NFYC: variants seen among roughly 807,000 people sequenced by gnomAD.
NFYC encodes the protein CAAT box DNA-binding protein subunit C.
A neutral mutation model predicts 53.1 loss-of-function variants in NFYC; 25 were observed. The observed-to-expected ratio is 0.47, with a 90% CI of 0.34 to 0.66. The LOEUF is 0.66. NFYC is among the 30% of genes least tolerant of loss of function. NFYC has a pLI of 0.01. For missense variants in NFYC, 260 were observed against 422.7 expected (o/e 0.62, Z 3.38); for synonymous variants, 145 against 152.6 (o/e 0.95, Z 0.37).
intron 1 of NFYC, among the ~76,000 whole-genome samples, chr1:40,711,348 G>A (rs190468482): frequency 5.9e-5 from 9 of 152,240 alleles, no homozygotes; most frequent in African/African-American, 1.9e-4. Flanking sequence ...AAATTTATTT[G>A]TTTGTCATTG....
chr1:40,696,172 C>T (rs973068087), intron 1 of NFYC, among the ~76,000 whole-genome samples: 6 of 152,050 alleles, frequency 3.9e-5, no homozygotes, highest in South Asian at 2.1e-4. Context: ...TATAGACGCC[C>T]GCCACCATGC....
intron 1 of NFYC, among the ~76,000 whole-genome samples, chr1:40,728,262 T>G (rs1644610274): frequency 6.6e-6 from 1 of 152,130 alleles, no homozygotes; most frequent in Non-Finnish European, 1.5e-5. Flanking sequence ...TACTCTTTGG[T>G]CCATGGGCTG....
At chr1:40,757,710 T>C (rs895228938) in intron 5 of NFYC, among the ~76,000 whole-genome samples, 2 of 152,158 alleles carry the variant, frequency 1.3e-5, no homozygotes, top group Admixed American at 6.5e-5. Flanking sequence ...ATTTGGGAGA[T>C]TGGGACCAGG....
intron 1 of NFYC, among the ~76,000 whole-genome samples, chr1:40,704,022 G>T (rs530908165): frequency 3.9e-5 from 6 of 151,938 alleles, no homozygotes; most frequent in African/African-American, 1.4e-4. Context: ...TTCTTTGAGA[G>T]TATTAAAGCT....
chr1:40,751,773 T>C (rs764001861), intron 4 of NFYC, among the ~76,000 whole-genome samples: 1 of 152,232 alleles, frequency 6.6e-6, no homozygotes, highest in Non-Finnish European at 1.5e-5. Context: ...TTTATTATTT[T>C]TCTTTTTCCC....
chr1:40,691,745 C>T lies in NFYC; in HGVS notation c.-131C>T. 1 of 455,448 alleles carries T rather than the reference C, an allele frequency of 2.2e-6. No homozygotes were observed. Among genetic ancestry groups the T allele is most frequent in the Non-Finnish European group, 4.4e-6 (1 of 226,394 alleles). The allele number at this position is 455,448 out of a possible 1,614,324, so 28.2% of individuals were successfully genotyped here. On this transcript the variant is annotated 5_prime_UTR_variant, in exon 1 of 10. Transcript: ENST00000447388. ...CCATCTTGCTTGTGCCCCCGCTTCG[C>T]GCGCGCTCCGTTCTCCGTGACGCAC... is the stretch of plus-strand genomic sequence containing the variant.
chr1:40,746,141 A>C (rs1285186912), intron 2 of NFYC, among the ~76,000 whole-genome samples: 1 of 152,212 alleles, frequency 6.6e-6, no homozygotes, highest in African/African-American at 2.4e-5. Context: ...CTTTTGTTGA[A>C]ATTTTAATAA....
At chr1:40,708,869 T>C (rs1320184352) in intron 1 of NFYC, among the ~76,000 whole-genome samples, 1 of 152,152 alleles carries the variant, frequency 6.6e-6, no homozygotes, top group Non-Finnish European at 1.5e-5. Context: ...CTTGTGCACA[T>C]TGCTTCTCTG....
chr1:40,758,022 C>A, intron 5 of NFYC, 99 bp from the exon 6 acceptor site: 1 of 1,337,506 alleles, frequency 7.5e-7, no homozygotes, highest in Non-Finnish European at 1.1e-6. Context: ...ATTCAGCAGG[C>A]AACTGCACAT....
intron 8 of NFYC, chr1:40,766,937 AG>A (rs1481184576): frequency 6.4e-6 from 10 of 1,552,126 alleles, no homozygotes; most frequent in Non-Finnish European, 8.7e-6. Context: ...AATGCAAGTC[AG>A]GGGAAGCCTC....
intron 1 of NFYC, among the ~76,000 whole-genome samples, chr1:40,732,202 T>C (rs145025328): frequency 5.1e-4 from 77 of 152,368 alleles, no homozygotes; most frequent in African/African-American, 1.8e-3. Context: ...TTTAGGCTAC[T>C]ATAAAAGAGT....
intron 5 of NFYC, chr1:40,757,310 C>G (rs1273660120): frequency 1.9e-6 from 1 of 533,890 alleles, no homozygotes; most frequent in African/African-American, 1.9e-5. Context: ...TGTAAACATC[C>G]TACACTCTCA....
At chr1:40,703,491 A>AAG (rs1643546126) in intron 1 of NFYC, among the ~76,000 whole-genome samples, 1 of 151,124 alleles carries the variant, frequency 6.6e-6, no homozygotes, top group East Asian at 1.9e-4. Context: ...AAAAAAAAAA[A>AAG]AAAGAATATG....
intron 6 of NFYC, chr1:40,758,512 G>A (rs1408371904): frequency 2.2e-5 from 11 of 504,748 alleles, no homozygotes; most frequent in Non-Finnish European, 3.4e-5. Context: ...TGAGGAAAGT[G>A]TACTAGACAG....
At chr1:40,710,631 G>C (rs1284418701) in intron 1 of NFYC, among the ~76,000 whole-genome samples, 1 of 152,194 alleles carries the variant, frequency 6.6e-6, no homozygotes, top group East Asian at 1.9e-4. Context: ...GGAGCCGTCA[G>C]CCAGCAGCAC....
At chr1:40,700,837 C>T (rs183828010) in intron 1 of NFYC, among the ~76,000 whole-genome samples, 44 of 152,284 alleles carry the variant, frequency 2.9e-4, no homozygotes, top group African/African-American at 1.0e-3. Flanking sequence ...TGCATCCAGT[C>T]ACCAGATAAC....
chr1:40,765,210 C>T (rs1373101970), intron 7 of NFYC, among the ~76,000 whole-genome samples: 6 of 152,200 alleles, frequency 3.9e-5, no homozygotes, highest in Admixed American at 3.9e-4. Context: ...ACCACAGCCT[C>T]CCAGCAGCTT....
chr1:40,706,082 A>G (rs958875801), intron 1 of NFYC, among the ~76,000 whole-genome samples: 3 of 151,758 alleles, frequency 2.0e-5, no homozygotes, highest in Non-Finnish European at 2.9e-5. Context: ...AAGTTGGATA[A>G]TGGTTTATGC....
chr1:40,749,768 T>A, intron 4 of NFYC, 82 bp downstream of exon 4: 1 of 1,140,766 alleles, frequency 8.8e-7, no homozygotes, highest in East Asian at 2.4e-5. Flanking sequence ...GGAGAAAGAT[T>A]GTTCTCCTTT....
Sources: allele counts gnomAD v4.1 joint callset (sites outside exome capture counted in the v4.1 genomes callset), GRCh38; gene constraint gnomAD v4.1.1; transcripts MANE v1.5; gene names NCBI Gene and HGNC (gene_info 2026-07-23, HGNC 2026-07-21).